SLC14A2: variants seen among roughly 807,000 people sequenced by gnomAD.
SLC14A2 encodes the protein urea transporter 2.
A neutral mutation model predicts 104.6 loss-of-function variants in SLC14A2; 91 were observed. That is an observed-to-expected ratio of 0.87 (90% confidence interval 0.73 to 1.04). The LOEUF (loss-of-function observed/expected upper bound fraction) is 1.04, where lower values mean the gene tolerates loss of function less well. SLC14A2 is among the 50% of genes least tolerant of loss of function. The pLI, the probability that SLC14A2 is intolerant of heterozygous loss-of-function variation, is 0.00. For missense variants in SLC14A2, 1,189 were observed against 1,156.0 expected (o/e 1.03, Z -0.41); for synonymous variants, 476 against 466.4 (o/e 1.02, Z -0.27).
At chr18:45,341,130 A>G (rs1259134965) in intron 1 of SLC14A2, among the ~76,000 whole-genome samples, 1 of 152,210 alleles carries the variant, frequency 6.6e-6, no homozygotes, top group Non-Finnish European at 1.5e-5. Context: ...TATTTTTTCA[A>G]TATATAGCCT....
intron 2 of SLC14A2, among the ~76,000 whole-genome samples, chr18:45,548,287 G>C (rs1027875182): frequency 6.6e-6 from 1 of 152,230 alleles, no homozygotes; most frequent in Non-Finnish European, 1.5e-5. Flanking sequence ...TGTGGCATCA[G>C]CTTTTCCATT....
At chr18:45,307,931 T>G (rs2085040241) in intron 1 of SLC14A2, among the ~76,000 whole-genome samples, 1 of 152,242 alleles carries the variant, frequency 6.6e-6, no homozygotes, top group Admixed American at 6.5e-5. Flanking sequence ...CATCTGCTTC[T>G]GGTGAGGACC....
At chr18:45,675,127 A>G (rs2046205188) in intron 18 of SLC14A2, among the ~76,000 whole-genome samples, 1 of 152,246 alleles carries the variant, frequency 6.6e-6, no homozygotes, top group Non-Finnish European at 1.5e-5. Flanking sequence ...ACTGAGTCAC[A>G]TCATCTCCCA....
At chr18:45,170,916 G>A in the SLC14A2 span, among the ~76,000 whole-genome samples, 1 of 152,280 alleles carries the variant, frequency 6.6e-6, no homozygotes, top group African/African-American at 2.4e-5. Flanking sequence ...AGGAGAAGAT[G>A]CAAAATGTGT....
At chr18:45,412,922 G>A (rs2086229861) in intron 1 of SLC14A2, among the ~76,000 whole-genome samples, 1 of 152,208 alleles carries the variant, frequency 6.6e-6, no homozygotes, top group East Asian at 1.9e-4. Flanking sequence ...TGGGACAAGT[G>A]TCACCAGATC....
intron 1 of SLC14A2, among the ~76,000 whole-genome samples, chr18:45,471,581 T>C (rs2087249255): frequency 1.3e-5 from 2 of 152,148 alleles, no homozygotes; most frequent in Non-Finnish European, 2.9e-5. Context: ...TCCATTTCTA[T>C]CATGTTCTTT....
intron 2 of SLC14A2, among the ~76,000 whole-genome samples, chr18:45,497,554 G>T (rs1215216336): frequency 6.6e-6 from 1 of 152,172 alleles, no homozygotes; most frequent in East Asian, 1.9e-4. Flanking sequence ...AGGCCTCTCT[G>T]TTGACACCTG....
intron 1 of SLC14A2, among the ~76,000 whole-genome samples, chr18:45,275,789 T>G (rs2084696136): frequency 6.6e-6 from 1 of 152,226 alleles, no homozygotes; most frequent in African/African-American, 2.4e-5. Flanking sequence ...TTGTTTACTA[T>G]TTGGAGATCA....
At chr18:45,176,283 T>G in the SLC14A2 span, among the ~76,000 whole-genome samples, 1 of 152,202 alleles carries the variant, frequency 6.6e-6, no homozygotes, top group African/African-American at 2.4e-5. Flanking sequence ...CCATTTTATA[T>G]ATGAAGAAAC....
At chr18:45,576,474 C>T (rs1424986762) in intron 2 of SLC14A2, among the ~76,000 whole-genome samples, 2 of 151,770 alleles carry the variant, frequency 1.3e-5, no homozygotes, top group African/African-American at 2.4e-5. Flanking sequence ...TTAGTAGAGA[C>T]GGGTTTCACC....
chr18:45,380,405 C>G (rs1423427782), intron 1 of SLC14A2, among the ~76,000 whole-genome samples: 1 of 152,100 alleles, frequency 6.6e-6, no homozygotes, highest in Non-Finnish European at 1.5e-5. Context: ...TAGAAAGAAC[C>G]TATTATAGCA....
At chr18:45,640,832 C>T (rs2045514544) in intron 7 of SLC14A2, among the ~76,000 whole-genome samples, 1 of 152,140 alleles carries the variant, frequency 6.6e-6, no homozygotes, top group Non-Finnish European at 1.5e-5. Context: ...GATATTTTTC[C>T]AGAGCACTTG....
chr18:45,270,863 C>A (rs536626520), intron 1 of SLC14A2, among the ~76,000 whole-genome samples: 8 of 152,120 alleles, frequency 5.3e-5, no homozygotes, highest in Non-Finnish European at 8.8e-5. Flanking sequence ...AAGTCTACAA[C>A]TAGATCTTGG....
intron 1 of SLC14A2, among the ~76,000 whole-genome samples, chr18:45,416,479 A>G (rs949432698): frequency 1.3e-5 from 2 of 152,186 alleles, no homozygotes; most frequent in Non-Finnish European, 2.9e-5. Flanking sequence ...TCCACCAGTC[A>G]GAGTTAATCA....
chr18:45,371,720 G>A (rs1466509921), intron 1 of SLC14A2, among the ~76,000 whole-genome samples: 2 of 152,156 alleles, frequency 1.3e-5, no homozygotes, highest in Non-Finnish European at 2.9e-5. Flanking sequence ...TGCCCATTGT[G>A]CAAATCTAGC....
intron 2 of SLC14A2, among the ~76,000 whole-genome samples, chr18:45,535,878 C>T (rs1411106768): frequency 1.3e-5 from 2 of 152,060 alleles, no homozygotes; most frequent in Admixed American, 1.3e-4. Flanking sequence ...GAACTATAGG[C>T]AATGAAGAAG....
chr18:45,523,461 C>CTGGGAT (rs1427278916), intron 2 of SLC14A2, among the ~76,000 whole-genome samples: 1 of 149,580 alleles, frequency 6.7e-6, no homozygotes, highest in East Asian at 1.9e-4. Context: ...TCCTGAGTAG[C>CTGGGAT]TGGGATTCCA....
At chr18:45,232,834 C>T (rs1039174227) in intron 1 of SLC14A2, among the ~76,000 whole-genome samples, 2 of 152,158 alleles carry the variant, frequency 1.3e-5, no homozygotes, top group African/African-American at 4.8e-5. Flanking sequence ...GAGGCACATT[C>T]GTGAAACCAC....
chr18:45,365,543 G>C (rs756225775), intron 1 of SLC14A2, among the ~76,000 whole-genome samples: 1 of 152,210 alleles, frequency 6.6e-6, no homozygotes, highest in Non-Finnish European at 1.5e-5. Context: ...AACCCATTCA[G>C]ACTCTGTGAC....
Sources: allele counts gnomAD v4.1 joint callset (sites outside exome capture counted in the v4.1 genomes callset), GRCh38; gene constraint gnomAD v4.1.1; transcripts MANE v1.5; gene names NCBI Gene and HGNC (gene_info 2026-07-23, HGNC 2026-07-21).